KCNMA1: variants seen among roughly 807,000 people sequenced by gnomAD.
KCNMA1 encodes the protein Calcium-activated potassium channel subunit alpha-1.
In KCNMA1, 29 loss-of-function variants were observed where a neutral mutation model predicts 140.0. The ratio of observed to expected loss-of-function variants is 0.21; its 90% CI spans 0.15 to 0.28. KCNMA1 has a LOEUF of 0.28. KCNMA1 is among the 10% of genes least tolerant of loss of function. The probability of loss-of-function intolerance (pLI) is 1.00; values close to 1 mark genes in which losing one functional copy is unlikely to be tolerated. For synonymous variants in KCNMA1, 612 were observed against 611.9 expected, an observed-to-expected ratio of 1.00 and a Z score of 0.00; for missense variants, 880 against 1,602.2, an observed-to-expected ratio of 0.55 and a Z score of 7.70.
intron 1 of KCNMA1, among the ~76,000 whole-genome samples, chr10:77,461,228 C>CTTTTTTTTT (rs5786288): frequency 4.8e-5 from 7 of 146,894 alleles, no homozygotes; most frequent in African/African-American, 1.7e-4. Flanking sequence ...TGTACTCCCT[C>CTTTTTTTTT]TTTTTTTTTT....
chr10:76,974,648 T>C, intron 19 of KCNMA1: 1 of 1,008,780 alleles, frequency 9.9e-7, no homozygotes, highest in Non-Finnish European at 1.5e-6. Context: ...TTCCAAACAA[T>C]TTTAACATTG....
intron 2 of KCNMA1, among the ~76,000 whole-genome samples, chr10:77,326,394 G>C (rs2084223679): frequency 6.6e-6 from 1 of 152,138 alleles, no homozygotes; most frequent in South Asian, 2.1e-4. Context: ...TCATCTACAA[G>C]GATGGTTCAC....
chr10:76,938,888 T>C (rs2061256631), intron 23 of KCNMA1, among the ~76,000 whole-genome samples: 1 of 152,130 alleles, frequency 6.6e-6, no homozygotes, highest in East Asian at 1.9e-4. Context: ...ATGGAATTAA[T>C]TACTCTTTTC....
Position 77,286,037 on chromosome 10 carries a change from G to A in KCNMA1, c.541-34781C>T, listed in dbSNP as rs2070706112. ...AAGTAGTCATTATCTCCTATTGCCA[G>A]GGTTTCCTTATCTCTATCACTCATG... On this transcript the variant is annotated intron_variant, in intron 2 of 27. Coordinates refer to ENST00000286628, the MANE Select transcript of KCNMA1 (RefSeq NM_001161352.2). 2.6e-5 allele frequency among the ~76,000 whole-genome samples: 4 copies of A among 152,092 alleles called. No individual in the cohort carries two copies. The South Asian group carries it at 8.3e-4, about 32-fold the overall frequency.
At chr10:76,970,997 C>T (rs2075915131) in intron 19 of KCNMA1, 1 of 152,196 alleles carries the variant, frequency 6.6e-6, no homozygotes, top group South Asian at 2.1e-4. Context: ...ATGTATTAGC[C>T]TGCATCATGC....
downstream of KCNMA1, chr10:76,875,112 G>A (rs572803045): frequency 4.3e-4 from 65 of 152,320 alleles, no homozygotes; most frequent in African/African-American, 1.5e-3. Flanking sequence ...GAGAAGCTCT[G>A]GCATTTGCTT....
intron 2 of KCNMA1, among the ~76,000 whole-genome samples, chr10:77,382,992 GTGTATATATATATATA>G (rs1406712928): frequency 8.5e-4 from 38 of 44,488 alleles, no homozygotes; most frequent in African/African-American, 4.9e-3. Context: ...GTGTGTGTGT[GTGTATATATATATATA>G]TATATATATA....
At chr10:77,000,038 C>T (rs534125299) in intron 19 of KCNMA1, among the ~76,000 whole-genome samples, 15 of 152,160 alleles carry the variant, frequency 9.9e-5, no homozygotes, top group Non-Finnish European at 2.2e-4. Flanking sequence ...AACACCAGCA[C>T]AGGGGAGTCA....
chr10:77,619,003 T>G (rs1377182046), intron 1 of KCNMA1, among the ~76,000 whole-genome samples: 1 of 152,092 alleles, frequency 6.6e-6, no homozygotes, highest in African/African-American at 2.4e-5. Flanking sequence ...CCTAAGTGGC[T>G]GGGTGTGGAG....
chr10:76,937,890 G>C, intron 23 of KCNMA1, among the ~76,000 whole-genome samples: 1 of 151,828 alleles, frequency 6.6e-6, no homozygotes, highest in East Asian at 1.9e-4. Context: ...AGGGCGGGAG[G>C]AAAGCTGTGT....
At chr10:76,955,515 G>A (rs929623763) in intron 20 of KCNMA1, among the ~76,000 whole-genome samples, 7 of 152,266 alleles carry the variant, frequency 4.6e-5, no homozygotes, top group African/African-American at 1.7e-4. Flanking sequence ...TATCTTCAAC[G>A]AACATGCTAG....
chr10:77,507,317 G>A (rs771414741), intron 1 of KCNMA1, among the ~76,000 whole-genome samples: 15 of 152,112 alleles, frequency 9.9e-5, no homozygotes, highest in Admixed American at 2.6e-4. Flanking sequence ...GTTGTATTGC[G>A]TACAATGGAG....
At chr10:77,632,058 G>A (rs1048121132) in intron 1 of KCNMA1, among the ~76,000 whole-genome samples, 4 of 152,182 alleles carry the variant, frequency 2.6e-5, no homozygotes, top group African/African-American at 4.8e-5. Flanking sequence ...CTTGGGCACT[G>A]CACAGCACCC....
At chr10:77,110,417 C>T in intron 7 of KCNMA1, 74 bp from the exon 8 acceptor site, 1 of 1,312,628 alleles carries the variant, frequency 7.6e-7, no homozygotes, top group Non-Finnish European at 1.1e-6. Flanking sequence ...AACGCGGAAG[C>T]TCGGCACTCT....
intron 2 of KCNMA1, among the ~76,000 whole-genome samples, chr10:77,293,837 A>G (rs2074118935): frequency 6.6e-6 from 1 of 152,234 alleles, no homozygotes; most frequent in Admixed American, 6.5e-5. Flanking sequence ...AATGCGACTA[A>G]TCTGGCATTT....
At chr10:77,432,712 A>G (rs2097177979) in intron 1 of KCNMA1, among the ~76,000 whole-genome samples, 1 of 152,262 alleles carries the variant, frequency 6.6e-6, no homozygotes, top group Non-Finnish European at 1.5e-5. Flanking sequence ...TCATTTCAAA[A>G]GAGCCATTTA....
intron 2 of KCNMA1, among the ~76,000 whole-genome samples, chr10:77,324,963 CTCTCTCTCTGTGTGTGTG>C (rs763693203): frequency 1.3e-3 from 141 of 104,500 alleles, no homozygotes; most frequent in African/African-American, 4.1e-3. Flanking sequence ...CTCTCTCTCT[CTCTCTCTCTGTGTGTGTG>C]TGTGTGTGTG....
rs1040349946 is a variant in KCNMA1 at position 77,634,101 on chromosome 10, G to A, written c.378+3164C>T. Reference sequence around the variant, plus strand: ...TACACAAGGAAAGATAGACACCAGAGAGGTTAAATAACTTCTTCAAAGTCA... The same window carrying A: ...TACACAAGGAAAGATAGACACCAGAAAGGTTAAATAACTTCTTCAAAGTCA... On this transcript the variant is annotated intron_variant, in intron 1 of 27. Transcript: ENST00000286628. 3 of 943,402 alleles carry A rather than the reference G, an allele frequency of 3.2e-6. No individual in the cohort carries two copies. In the African/African-American group the frequency reaches 5.3e-5, roughly 17 times the overall value. 58.4% of individuals were successfully genotyped at this position (943,402 alleles called of 1,614,324 possible). A position where few individuals can be genotyped will look rare whatever the true frequency, so the allele number is the denominator to read the frequency against.
At chr10:77,039,790 A>G (rs1274475649) in intron 14 of KCNMA1, among the ~76,000 whole-genome samples, 153 bp from the exon 15 acceptor site, 1 of 152,058 alleles carries the variant, frequency 6.6e-6, no homozygotes, top group Non-Finnish European at 1.5e-5. Flanking sequence ...GCACCCATAT[A>G]AAGCCTTCAA....
Sources: allele counts gnomAD v4.1 joint callset (sites outside exome capture counted in the v4.1 genomes callset), GRCh38; gene constraint gnomAD v4.1.1; transcripts MANE v1.5; gene names NCBI Gene and HGNC (gene_info 2026-07-23, HGNC 2026-07-21).